Variants in ELOVL4 observed in about 807,000 individuals in gnomAD.
ELOVL4 encodes very long chain fatty acid elongase 4.
A neutral mutation model predicts 42.1 loss-of-function variants in ELOVL4; 18 were observed. The observed-to-expected ratio is 0.43, with a 90% CI of 0.30 to 0.63. The LOEUF is 0.63. Ranked by LOEUF, ELOVL4 falls within the 30% of genes least tolerant of loss-of-function variation. The pLI is 0.15. For missense variants in ELOVL4, 299 were observed against 376.2 expected (o/e 0.79, Z 1.70); for synonymous variants, 117 against 127.0 (o/e 0.92, Z 0.53).
At chr6:79,917,006 G>A (rs1582043369) in intron 5 of ELOVL4, 123 bp from the exon 6 acceptor site, 1 of 1,048,244 alleles carries the variant, frequency 9.5e-7, no homozygotes, top group East Asian at 2.6e-5. Context: ...AAAATTTATT[G>A]TTTTCTGGCT....
intron 4 of ELOVL4, among the ~76,000 whole-genome samples, chr6:79,921,368 G>A (rs1774251318): frequency 6.8e-6 from 1 of 146,974 alleles, no homozygotes; most frequent in African/African-American, 2.5e-5. Context: ...GGCTGAGGCA[G>A]GAGAATCGCT....
intron 3 of ELOVL4, among the ~76,000 whole-genome samples, chr6:79,923,925 T>C (rs1260510723): frequency 6.6e-6 from 1 of 152,170 alleles, no homozygotes; most frequent in Admixed American, 6.5e-5. Context: ...ATTTATATAT[T>C]GTCCACTCCC....
chr6:79,916,711 G>T lies in ELOVL4; in HGVS notation c.842C>A (p.Thr281Lys). 6.2e-7 allele frequency: 1 copy of T among 1,614,118 alleles called. No homozygotes were observed. Among genetic ancestry groups the T allele is most frequent in the Non-Finnish European group, 8.5e-7 (1 of 1,180,022 alleles). Reference protein sequence around the residue: ...KEPKKPKAGKTAMNGISANGV... With the variant: ...KEPKKPKAGKKAMNGISANGV... ...ATTTGCTGAAATACCATTCATGGCT[G>T]TTTTTCCAGCTTTTGGTTTCTTAGG... Residue 281 changes from threonine to lysine, a missense_variant, in exon 6 of 6, where the codon ACA (threonine) becomes AAA (lysine). Thr to Lys is a moderately conservative substitution (Grantham distance 78). Transcript: ENST00000369816.
At chr6:79,933,752 C>T (rs190736662) in intron 1 of ELOVL4, among the ~76,000 whole-genome samples, 160 of 152,196 alleles carry the variant, frequency 1.1e-3, no homozygotes, top group African/African-American at 3.8e-3. Flanking sequence ...ATCTGAGCTC[C>T]CCCAGGTGAT....
chr6:79,937,741 C>T (rs900125083), intron 1 of ELOVL4, among the ~76,000 whole-genome samples: 4 of 152,134 alleles, frequency 2.6e-5, no homozygotes, highest in African/African-American at 7.2e-5. Flanking sequence ...GATCTTGATC[C>T]TATTCCAACT....
intron 5 of ELOVL4, among the ~76,000 whole-genome samples, chr6:79,918,800 C>A (rs545210567): frequency 6.6e-6 from 1 of 152,156 alleles, no homozygotes; most frequent in African/African-American, 2.4e-5. Flanking sequence ...GTCTTACTAG[C>A]GGGATGTGCT....
chr6:79,943,152 C>T lies in ELOVL4; in HGVS notation c.100+4028G>A, dbSNP rs565865238. ...ATAATAACATAGATGAAAAACTAAA[C>T]ATTAACTGTGACGAATAATAAAATT... On this transcript the variant is annotated intron_variant, in intron 1 of 5. Coordinates refer to ENST00000369816, the MANE Select transcript of ELOVL4 (RefSeq NM_022726.4). 2.0e-5 allele frequency among the ~76,000 whole-genome samples: 3 copies of T among 152,178 alleles called. No individual in the cohort carries two copies. In the South Asian group the frequency reaches 6.2e-4, roughly 32 times the overall value.
chr6:79,932,040 G>C (rs1441254234), intron 1 of ELOVL4, among the ~76,000 whole-genome samples: 1 of 152,162 alleles, frequency 6.6e-6, no homozygotes, highest in African/African-American at 2.4e-5. Context: ...GACCCTTAAA[G>C]AGTTAATAAA....
Position 79,945,265 on chromosome 6 carries a change from C to A in ELOVL4, c.100+1915G>T, listed in dbSNP as rs963706756. ...AGCATAGGCAAATACCTTCCTTCGG[C>A]CTGCTAGTGAGAGGTCACTTGTGTT... On this transcript the variant is annotated intron_variant, in intron 1 of 5. Transcript: ENST00000369816. Among the ~76,000 whole-genome samples, 3 of 152,168 alleles carry A rather than the reference C, an allele frequency of 2.0e-5. No individual in the cohort carries two copies. In the East Asian group the frequency reaches 5.8e-4, roughly 29 times the overall value.
At chr6:79,944,987 C>CAAAAAAAA (rs200726708) in intron 1 of ELOVL4, among the ~76,000 whole-genome samples, 4 of 92,996 alleles carry the variant, frequency 4.3e-5, no homozygotes, top group African/African-American at 1.0e-4. Context: ...TGAATGAGTC[C>CAAAAAAAA]AAAAAAAAAA....
intron 1 of ELOVL4, among the ~76,000 whole-genome samples, chr6:79,934,159 T>A (rs920393342): frequency 2.0e-5 from 3 of 152,096 alleles, no homozygotes; most frequent in Non-Finnish European, 4.4e-5. Context: ...TCACTGACAA[T>A]GACAATCACA....
intron 1 of ELOVL4, 90 bp downstream of exon 1, chr6:79,947,090 C>T (rs1582059060): frequency 9.3e-7 from 1 of 1,075,150 alleles, no homozygotes; most frequent in Non-Finnish European, 1.4e-6. Context: ...GGCGCGGGGG[C>T]CTGTGGGGCC....
chr6:79,927,243 CATT>C (rs932300855), intron 1 of ELOVL4, among the ~76,000 whole-genome samples: 4 of 151,860 alleles, frequency 2.6e-5, no homozygotes, highest in African/African-American at 9.7e-5. Context: ...TCTTTTAACA[CATT>C]ATAAAAATAT....
At chr6:79,928,748 T>TG (rs1774393341) in intron 1 of ELOVL4, among the ~76,000 whole-genome samples, 1 of 144,888 alleles carries the variant, frequency 6.9e-6, no homozygotes, top group Non-Finnish European at 1.5e-5. Context: ...TTTTTTTTTT[T>TG]TTTTTTTAAG....
At chr6:79,942,884 A>G (rs1774671045) in intron 1 of ELOVL4, among the ~76,000 whole-genome samples, 1 of 152,190 alleles carries the variant, frequency 6.6e-6, no homozygotes, top group Non-Finnish European at 1.5e-5. Context: ...AACCAAAACA[A>G]AAAACCATAA....
intron 1 of ELOVL4, among the ~76,000 whole-genome samples, chr6:79,943,428 C>CTT (rs1774679733): frequency 6.6e-6 from 1 of 152,168 alleles, no homozygotes; most frequent in Non-Finnish European, 1.5e-5. Flanking sequence ...TCCAAATACT[C>CTT]TGACAGTACT....
intron 4 of ELOVL4, among the ~76,000 whole-genome samples, chr6:79,920,626 A>G (rs1774237016): frequency 6.6e-6 from 1 of 152,184 alleles, no homozygotes; most frequent in South Asian, 2.1e-4. Context: ...CCTGAAGGTA[A>G]TTTTATAAAA....
intron 5 of ELOVL4, among the ~76,000 whole-genome samples, chr6:79,917,437 T>A (rs2127697701): frequency 6.6e-6 from 1 of 152,348 alleles, no homozygotes; most frequent in African/African-American, 2.4e-5. Flanking sequence ...TACACATACT[T>A]AAAATGAGCT....
chr6:79,915,561 T>G lies in ELOVL4; in HGVS notation c.*1047A>C, dbSNP rs1311829521. 1 of 152,490 alleles carries G rather than the reference T, an allele frequency of 6.6e-6. No individual in the cohort carries two copies. Among genetic ancestry groups the G allele is most frequent in the East Asian group, 1.9e-4 (1 of 5,200 alleles). 9.4% of individuals were successfully genotyped at this position (152,490 alleles called of 1,614,324 possible). ...TTTCACAGAAATGTTTGGTGTATGCTATTTGTCATAAAAGCAAAAAAAATA... is the reference window on the plus strand; with the variant it reads ...TTTCACAGAAATGTTTGGTGTATGCGATTTGTCATAAAAGCAAAAAAAATA... On this transcript the variant is annotated 3_prime_UTR_variant, in exon 6 of 6. Coordinates refer to ENST00000369816, the MANE Select transcript of ELOVL4 (RefSeq NM_022726.4).
Sources: allele counts gnomAD v4.1 joint callset (sites outside exome capture counted in the v4.1 genomes callset), GRCh38; gene constraint gnomAD v4.1.1; transcripts MANE v1.5; gene names NCBI Gene and HGNC (gene_info 2026-07-23, HGNC 2026-07-21).